Variants in TDRP observed in about 807,000 individuals in gnomAD.
The protein encoded by TDRP is testis development related protein, also known as testis development-related protein.
TDRP carries 12 observed loss-of-function variants against 10.5 expected under a neutral mutation model. The observed-to-expected ratio is 1.15, with a 90% confidence interval of 0.73 to 1.86. The LOEUF (loss-of-function observed/expected upper bound fraction) is 1.86. TDRP is among the 40% of genes most tolerant of loss of function. TDRP has a pLI of 0.00. For synonymous variants in TDRP, 139 were observed against 95.4 expected, an observed-to-expected ratio of 1.46 and a Z score of -2.67; for missense variants, 353 against 229.2, an observed-to-expected ratio of 1.54 and a Z score of -3.49.
At chr8:503,430 T>A (rs73672337) in intron 1 of TDRP, among the ~76,000 whole-genome samples, 2 of 135,486 alleles carry the variant, frequency 1.5e-5, no homozygotes, top group East Asian at 4.8e-4. Context: ...CAGCCACGCA[T>A]TGGAACCCGT....
chr8:539,140 G>A (rs1192989841), intron 1 of TDRP, among the ~76,000 whole-genome samples: 1 of 152,192 alleles, frequency 6.6e-6, no homozygotes, highest in East Asian at 1.9e-4. Flanking sequence ...TGGACTGAAT[G>A]TTTGTGTCCC....
intron 1 of TDRP, among the ~76,000 whole-genome samples, chr8:524,970 G>T (rs184671211): frequency 7.1e-4 from 108 of 152,218 alleles, no homozygotes; most frequent in Admixed American, 1.3e-3. Context: ...GAAGATTATA[G>T]AACACCAAGC....
intron 1 of TDRP, among the ~76,000 whole-genome samples, chr8:531,663 C>T (rs1401322072): frequency 2.0e-5 from 3 of 152,208 alleles, no homozygotes. Flanking sequence ...GGCACAACTT[C>T]TTTCCACATC....
chr8:494,020 G>A (rs1801059046), intron 2 of TDRP, among the ~76,000 whole-genome samples: 1 of 112,588 alleles, frequency 8.9e-6, no homozygotes, highest in Admixed American at 1.2e-4. Context: ...TTTTGAGACA[G>A]AGTCTTGCTC....
chr8:524,127 G>A (rs901526271), intron 1 of TDRP, among the ~76,000 whole-genome samples: 3 of 152,234 alleles, frequency 2.0e-5, no homozygotes, highest in African/African-American at 7.2e-5. Flanking sequence ...TCGGGAGAAA[G>A]TAAGAGAAAA....
chr8:539,948 G>C (rs920586096), intron 1 of TDRP, among the ~76,000 whole-genome samples: 1 of 152,194 alleles, frequency 6.6e-6, no homozygotes, highest in East Asian at 1.9e-4. Flanking sequence ...TACAGAATAT[G>C]TCTAAGCTTT....
At chr8:505,008 A>T (rs920491117) in intron 1 of TDRP, among the ~76,000 whole-genome samples, 17 of 152,256 alleles carry the variant, frequency 1.1e-4, no homozygotes, top group African/African-American at 4.1e-4. Context: ...ATTTTGATGA[A>T]ATAAAAATAT....
At chr8:496,395 T>C (rs139863001) in intron 1 of TDRP, among the ~76,000 whole-genome samples, 51 of 152,348 alleles carry the variant, frequency 3.3e-4, no homozygotes, top group African/African-American at 1.1e-3. Context: ...GCAGTCACTA[T>C]GTGCCCAGCA....
chr8:532,419 G>GAC (rs1219724871), intron 1 of TDRP, among the ~76,000 whole-genome samples: 3 of 152,196 alleles, frequency 2.0e-5, no homozygotes, highest in Non-Finnish European at 4.4e-5. Flanking sequence ...AGTTCTTGCT[G>GAC]ACTACAGAAA....
intron 1 of TDRP, among the ~76,000 whole-genome samples, chr8:531,373 A>AT (rs1802192119): frequency 6.6e-6 from 1 of 152,188 alleles, no homozygotes; most frequent in Admixed American, 6.5e-5. Context: ...GTGGAGTGGC[A>AT]TAAGAGACTT....
intron 1 of TDRP, among the ~76,000 whole-genome samples, chr8:538,069 G>A (rs935264848): frequency 4.6e-5 from 7 of 152,154 alleles, no homozygotes; most frequent in African/African-American, 2.4e-5. Flanking sequence ...AAGCTTCTGC[G>A]GCATTGTTAA....
intron 1 of TDRP, among the ~76,000 whole-genome samples, chr8:501,367 G>C (rs934473103): frequency 5.9e-5 from 9 of 151,902 alleles, no homozygotes; most frequent in African/African-American, 2.2e-4. Context: ...GTCTTTTTGA[G>C]ATGGAGTCTT....
chr8:512,528 A>C (rs1380001832), intron 1 of TDRP, among the ~76,000 whole-genome samples: 2 of 152,194 alleles, frequency 1.3e-5, no homozygotes, highest in African/African-American at 4.8e-5. Flanking sequence ...GAAAGAGGAG[A>C]CATTTCTATT....
At chr8:545,011 C>G, upstream of TDRP, 1 of 294,990 alleles carries the variant, frequency 3.4e-6, no homozygotes, top group Non-Finnish European at 6.2e-6. Context: ...CTCCTCAGGA[C>G]CAGGCCCGCC....
chr8:526,945 T>A (rs1008380724), intron 1 of TDRP, among the ~76,000 whole-genome samples: 3 of 152,050 alleles, frequency 2.0e-5, no homozygotes, highest in African/African-American at 7.2e-5. Context: ...ATCTTATACT[T>A]GGAAAAACCT....
intron 2 of TDRP, 137 bp from the exon 3 acceptor site, chr8:492,881 C>A: frequency 1.4e-6 from 1 of 740,296 alleles, no homozygotes; most frequent in Non-Finnish European, 2.1e-6. Context: ...TGAAAAGTTT[C>A]AAATATTAAA....
At chr8:545,652 G>A (rs1323185279), upstream of TDRP, 2 of 152,112 alleles carry the variant, frequency 1.3e-5, no homozygotes, top group Non-Finnish European at 2.9e-5. Flanking sequence ...CTGGGCGCCG[G>A]GCATCCGGGA....
intron 1 of TDRP, among the ~76,000 whole-genome samples, chr8:500,944 C>T (rs544655827): frequency 1.3e-5 from 2 of 152,232 alleles, no homozygotes; most frequent in African/African-American, 4.8e-5. Flanking sequence ...CGGTGTCTCA[C>T]ACCTGTAATC....
upstream of TDRP, among the ~76,000 whole-genome samples, chr8:545,282 C>G (rs1195592205): frequency 2.3e-5 from 3 of 131,564 alleles, no homozygotes; most frequent in African/African-American, 8.9e-5. Context: ...CTTCCTCACC[C>G]GGAAACGCCC....
Sources: allele counts gnomAD v4.1 joint callset (sites outside exome capture counted in the v4.1 genomes callset), GRCh38; gene constraint gnomAD v4.1.1; transcripts MANE v1.5; gene names NCBI Gene and HGNC (gene_info 2026-07-23, HGNC 2026-07-21).